CDH18: variants seen among roughly 807,000 people sequenced by gnomAD.
The protein encoded by CDH18 is cadherin 18.
In CDH18, 31 loss-of-function variants were observed where a neutral mutation model predicts 67.9. The ratio of observed to expected loss-of-function variants is 0.46; its 90% CI spans 0.34 to 0.62. The LOEUF is 0.62. Among genes scored for constraint, CDH18 ranks in the 20% least tolerant of loss-of-function variants. The pLI is 0.01. For missense variants in CDH18, 890 were observed against 975.5 expected, an observed-to-expected ratio of 0.91 and a Z score of 1.17; for synonymous variants, 362 against 347.2, an observed-to-expected ratio of 1.04 and a Z score of -0.48.
At chr5:19,604,981 T>C (rs1419461335) in intron 6 of CDH18, among the ~76,000 whole-genome samples, 1 of 152,034 alleles carries the variant, frequency 6.6e-6, no homozygotes, top group African/African-American at 2.4e-5. Context: ...TTTTTAAGTA[T>C]TCTTTGAAGG....
intron 6 of CDH18, among the ~76,000 whole-genome samples, chr5:19,594,960 AT>A (rs1429115044): frequency 1.3e-5 from 2 of 152,204 alleles, no homozygotes; most frequent in East Asian, 1.9e-4. Flanking sequence ...TTTAAAAAAA[AT>A]AAAAGGGAAC....
intron 5 of CDH18, among the ~76,000 whole-genome samples, chr5:19,650,536 A>T (rs1755420232): frequency 6.6e-6 from 1 of 152,060 alleles, no homozygotes; most frequent in Non-Finnish European, 1.5e-5. Context: ...TAATGGAGAT[A>T]AAGAGAAAAT....
At chr5:19,953,068 C>A (rs1795951434) in intron 2 of CDH18, among the ~76,000 whole-genome samples, 1 of 152,094 alleles carries the variant, frequency 6.6e-6, no homozygotes, top group Admixed American at 6.6e-5. Context: ...AAACATTTGA[C>A]ATGAGCTGCT....
At chr5:19,737,152 T>G (rs1768448416) in intron 4 of CDH18, among the ~76,000 whole-genome samples, 1 of 152,134 alleles carries the variant, frequency 6.6e-6, no homozygotes, top group African/African-American at 2.4e-5. Flanking sequence ...CAGTGTTTTT[T>G]TTCTATATCC....
At chr5:20,042,234 T>G (rs1234838893) in intron 2 of CDH18, among the ~76,000 whole-genome samples, 1 of 148,822 alleles carries the variant, frequency 6.7e-6, no homozygotes, top group Non-Finnish European at 1.5e-5. Flanking sequence ...TTAAGCATAT[T>G]TACATATTTA....
At chr5:20,415,086 C>T (rs1425513265) in intron 1 of CDH18, among the ~76,000 whole-genome samples, 1 of 152,052 alleles carries the variant, frequency 6.6e-6, no homozygotes, top group South Asian at 2.1e-4. Flanking sequence ...ACCTAAATGC[C>T]CATAAACAGA....
At chr5:20,526,408 A>G (rs1260845860) in intron 1 of CDH18, among the ~76,000 whole-genome samples, 2 of 152,088 alleles carry the variant, frequency 1.3e-5, no homozygotes, top group Non-Finnish European at 2.9e-5. Flanking sequence ...TCTGCTAAGG[A>G]GCAGCCAGAC....
intron 1 of CDH18, among the ~76,000 whole-genome samples, chr5:20,327,337 G>C (rs1442035468): frequency 6.6e-6 from 1 of 152,154 alleles, no homozygotes; most frequent in Non-Finnish European, 1.5e-5. Flanking sequence ...TAGATTTACG[G>C]AGCAAATGAC....
At chr5:19,825,855 G>C (rs975912602) in intron 3 of CDH18, among the ~76,000 whole-genome samples, 9 of 152,128 alleles carry the variant, frequency 5.9e-5, no homozygotes, top group African/African-American at 2.2e-4. Flanking sequence ...GACCATGGTT[G>C]CTTCCGGCAA....
chr5:19,889,805 A>T (rs1054492942), intron 2 of CDH18, among the ~76,000 whole-genome samples: 1 of 152,186 alleles, frequency 6.6e-6, no homozygotes, highest in African/African-American at 2.4e-5. Context: ...TGTGCTCATA[A>T]AATGCATTAT....
chr5:19,599,306 T>A (rs958016315), intron 6 of CDH18, among the ~76,000 whole-genome samples: 2 of 152,274 alleles, frequency 1.3e-5, no homozygotes, highest in South Asian at 4.1e-4. Context: ...AAACAATATC[T>A]GTTATATAAT....
At chr5:20,092,189 T>C (rs1178171222) in intron 2 of CDH18, among the ~76,000 whole-genome samples, 1 of 152,158 alleles carries the variant, frequency 6.6e-6, no homozygotes, top group Non-Finnish European at 1.5e-5. Flanking sequence ...GAAAAACATA[T>C]GGTCCACCAG....
chr5:20,007,389 CAAAA>C (rs1736989743), intron 2 of CDH18, among the ~76,000 whole-genome samples: 2 of 150,228 alleles, frequency 1.3e-5, no homozygotes, highest in South Asian at 4.3e-4. Context: ...CATCATTCCA[CAAAA>C]ATACAGTGCT....
chr5:20,309,101 T>G (rs1036538976), intron 1 of CDH18, among the ~76,000 whole-genome samples: 3 of 152,198 alleles, frequency 2.0e-5, no homozygotes, highest in Admixed American at 1.3e-4. Flanking sequence ...CATGCGTATG[T>G]GAGGTAGCTG....
At position 20,521,934 on chromosome 5, in the gene CDH18, T is replaced by A. The variant is rs371999526; in HGVS notation, c.-580+53528A>T. On this transcript the variant is annotated intron_variant, in intron 1 of 14. Coordinates refer to the CDH18 transcript ENST00000507958. Reference sequence around the variant, plus strand: ...TTTCATACATTGAATTGTAGTCAACTTTTTCTGTGAACAATTAGGATGTAT... The same window carrying A: ...TTTCATACATTGAATTGTAGTCAACATTTTCTGTGAACAATTAGGATGTAT... 7.9e-4 allele frequency among the ~76,000 whole-genome samples: 121 copies of A among 152,318 alleles called. 1 individual carries two copies. The highest frequency in any genetic ancestry group is 2.9e-3 in the African/African-American group (121 of 41,586).
chr5:19,518,966 G>C lies in CDH18; in HGVS notation c.1512+1691C>G, dbSNP rs1433194654. Among the ~76,000 whole-genome samples the C allele has an allele frequency of 3.9e-5, 6 of 152,122 alleles. No homozygotes were observed. The South Asian group carries it at 1.2e-3, about 32-fold the overall frequency. On this transcript the variant is annotated intron_variant, in intron 10 of 12. Transcript: ENST00000382275. Reference sequence around the variant, plus strand: ...TATAATTTTAGTAACAAATAGCTGGGTTTCAGGCAATTACAAGACAGCCAA... The same window carrying C: ...TATAATTTTAGTAACAAATAGCTGGCTTTCAGGCAATTACAAGACAGCCAA...
chr5:19,721,278 AT>A lies in CDH18; in HGVS notation c.643+68del, dbSNP rs1430246887. 7 of 1,423,484 alleles carry A rather than the reference AT, an allele frequency of 4.9e-6. No individual in the cohort carries two copies. The African/African-American group carries it at 9.8e-5, about 20-fold the overall frequency. The allele number at this position is 1,423,484 out of a possible 1,614,324, so 88.2% of individuals were successfully genotyped here. A position where few individuals can be genotyped will look rare whatever the true frequency, so the allele number is the denominator to read the frequency against. On this transcript the variant is annotated intron_variant, in intron 5 of 12. Transcript: ENST00000382275. ...ATCTAATGGAAAAGAGCATATGGAA[AT>A]AAAAACCATTGCTTTGCAACTTACT... is the stretch of plus-strand genomic sequence containing the variant.
intron 2 of CDH18, among the ~76,000 whole-genome samples, chr5:20,188,691 T>C (rs1021813597): frequency 4.6e-5 from 7 of 151,952 alleles, no homozygotes; most frequent in Non-Finnish European, 8.8e-5. Context: ...CACTGACTTA[T>C]TGCAATGTCC....
intron 5 of CDH18, among the ~76,000 whole-genome samples, chr5:19,705,997 T>C (rs4283792): frequency 0.56 from 85,453 of 152,002 alleles, 27,201 homozygotes; most frequent in East Asian, 0.74. Context: ...AGCTTCTTAT[T>C]CTGGCTCAAA....
Sources: allele counts gnomAD v4.1 joint callset (sites outside exome capture counted in the v4.1 genomes callset), GRCh38; gene constraint gnomAD v4.1.1; transcripts MANE v1.5; gene names NCBI Gene and HGNC (gene_info 2026-07-23, HGNC 2026-07-21).